The following RNGTT variants were observed in gnomAD, a reference collection of about 807,000 sequenced individuals.
RNGTT encodes mRNA-capping enzyme.
A neutral mutation model predicts 79.3 loss-of-function variants in RNGTT; 33 were observed. That is an observed-to-expected ratio of 0.42 (90% confidence interval 0.32 to 0.56). The LOEUF (loss-of-function observed/expected upper bound fraction) is 0.56. Among genes scored for constraint, RNGTT ranks in the 20% least tolerant of loss-of-function variants. RNGTT has a pLI of 0.17. For missense variants in RNGTT, 497 were observed against 739.1 expected (o/e 0.67, Z 3.80); for synonymous variants, 222 against 235.9 (o/e 0.94, Z 0.54).
chr6:88,687,197 A>C (rs916610155), intron 13 of RNGTT, among the ~76,000 whole-genome samples: 2 of 152,200 alleles, frequency 1.3e-5, no homozygotes, highest in Non-Finnish European at 2.9e-5. Flanking sequence ...ATTCAAACTC[A>C]CTTGTAACTA....
chr6:88,699,213 C>G (rs887457914), intron 13 of RNGTT, among the ~76,000 whole-genome samples: 1 of 152,166 alleles, frequency 6.6e-6, no homozygotes. Context: ...ATATAATACT[C>G]TCTTTTCCTC....
intron 13 of RNGTT, among the ~76,000 whole-genome samples, chr6:88,757,888 C>T (rs986523726): frequency 6.6e-6 from 1 of 152,070 alleles, no homozygotes; most frequent in Admixed American, 6.5e-5. Flanking sequence ...CCTCAGATTC[C>T]AAAAAGCAAC....
intron 6 of RNGTT, among the ~76,000 whole-genome samples, chr6:88,892,693 A>G (rs1582591420): frequency 6.6e-6 from 1 of 152,246 alleles, no homozygotes; most frequent in African/African-American, 2.4e-5. Context: ...TTTAAGGTCC[A>G]TAAAGGGACT....
chr6:88,935,972 T>C (rs1263433343), intron 2 of RNGTT, among the ~76,000 whole-genome samples: 1 of 152,208 alleles, frequency 6.6e-6, no homozygotes, highest in South Asian at 2.1e-4. Flanking sequence ...CAGGTTGAAG[T>C]GCAGTGGCTC....
At chr6:88,887,449 A>G (rs867280111) in intron 8 of RNGTT, among the ~76,000 whole-genome samples, 25 of 152,142 alleles carry the variant, frequency 1.6e-4, no homozygotes, top group African/African-American at 6.0e-4. Context: ...TGCGCAAAAG[A>G]TAGATTTTAC....
At chr6:88,760,952 C>A (rs150195277) in intron 13 of RNGTT, among the ~76,000 whole-genome samples, 27 of 150,268 alleles carry the variant, frequency 1.8e-4, no homozygotes, top group African/African-American at 6.4e-4. Flanking sequence ...TCAAGCAATC[C>A]TCCTGCCTCA....
chr6:88,807,112 G>A (rs1779984223), intron 11 of RNGTT, among the ~76,000 whole-genome samples: 1 of 152,182 alleles, frequency 6.6e-6, no homozygotes, highest in South Asian at 2.1e-4. Context: ...GAGAGGGAGA[G>A]CATTAGGAAG....
At chr6:88,678,500 GATATA>G (rs1295218703) in intron 13 of RNGTT, 81 bp from the exon 14 acceptor site, 8 of 806,128 alleles carry the variant, frequency 9.9e-6, no homozygotes, top group Non-Finnish European at 1.2e-5. Context: ...TTGAATAATA[GATATA>G]ATATAGATAT....
At chr6:88,703,528 G>A (rs1259327355) in intron 13 of RNGTT, among the ~76,000 whole-genome samples, 1 of 152,114 alleles carries the variant, frequency 6.6e-6, no homozygotes, top group African/African-American at 2.4e-5. Context: ...AGACAACGGG[G>A]ACTACTAAAG....
At chr6:88,769,729 CA>C in intron 13 of RNGTT, 44 bp downstream of exon 13, 3 of 1,181,204 alleles carry the variant, frequency 2.5e-6, no homozygotes, top group Non-Finnish European at 3.8e-6. Context: ...AAGCCTTACA[CA>C]AACAGTATTA....
At chr6:88,881,731 T>C (rs1412149559) in intron 8 of RNGTT, among the ~76,000 whole-genome samples, 1 of 152,012 alleles carries the variant, frequency 6.6e-6, no homozygotes, top group Non-Finnish European at 1.5e-5. Context: ...TGTCTTGGAA[T>C]CTCCCTCAGG....
intron 8 of RNGTT, among the ~76,000 whole-genome samples, chr6:88,855,495 T>C (rs1208408932): frequency 1.4e-5 from 2 of 139,208 alleles, no homozygotes; most frequent in Non-Finnish European, 3.2e-5. Context: ...AAATAATCAG[T>C]TCCAAAAAAA....
At chr6:88,629,620 C>T (rs1326351520) in intron 14 of RNGTT, among the ~76,000 whole-genome samples, 14 of 152,036 alleles carry the variant, frequency 9.2e-5, no homozygotes, top group Admixed American at 8.5e-4. Context: ...AACAAAATTA[C>T]GCAGGCAAAG....
intron 14 of RNGTT, among the ~76,000 whole-genome samples, chr6:88,662,232 C>G (rs1323301958): frequency 6.6e-6 from 1 of 152,202 alleles, no homozygotes; most frequent in African/African-American, 2.4e-5. Context: ...GAAGTGAGAT[C>G]AATAGCCAGA....
At chr6:88,762,677 A>T (rs1778310014) in intron 13 of RNGTT, among the ~76,000 whole-genome samples, 1 of 152,218 alleles carries the variant, frequency 6.6e-6, no homozygotes, top group Admixed American at 6.5e-5. Flanking sequence ...TTTTTAAAAA[A>T]TAGTAAATAT....
Position 88,724,644 on chromosome 6 carries a change from G to A in RNGTT, c.1439+45130C>T, listed in dbSNP as rs1316460821. ...ATGACCTAGATCCCTCACACGTGCA[G>A]TTCATAATAGAGTTCCTGCTCTTTT... On this transcript the variant is annotated intron_variant, in intron 13 of 15. Coordinates refer to ENST00000369485, the MANE Select transcript of RNGTT (RefSeq NM_003800.5). 2.6e-5 allele frequency among the ~76,000 whole-genome samples: 4 copies of A among 152,186 alleles called. No individual in the cohort carries two copies. In the East Asian group the frequency reaches 7.7e-4, roughly 29 times the overall value.
intron 14 of RNGTT, among the ~76,000 whole-genome samples, chr6:88,640,135 T>TAATA (rs1582265225): frequency 1.3e-5 from 2 of 152,198 alleles, no homozygotes; most frequent in East Asian, 3.8e-4. Flanking sequence ...CATTTCAGTC[T>TAATA]TATTCACCAC....
chr6:88,626,385 G>A (rs998419907), intron 14 of RNGTT, among the ~76,000 whole-genome samples: 3 of 151,992 alleles, frequency 2.0e-5, no homozygotes, highest in Non-Finnish European at 4.4e-5. Flanking sequence ...GGAGGAAAAG[G>A]TAGACTACAC....
At chr6:88,768,389 T>C (rs1778536995) in intron 13 of RNGTT, among the ~76,000 whole-genome samples, 1 of 152,192 alleles carries the variant, frequency 6.6e-6, no homozygotes, top group South Asian at 2.1e-4. Flanking sequence ...ATTACAGGCA[T>C]GAGCCACTGC....
Sources: allele counts gnomAD v4.1 joint callset (sites outside exome capture counted in the v4.1 genomes callset), GRCh38; gene constraint gnomAD v4.1.1; transcripts MANE v1.5; gene names NCBI Gene and HGNC (gene_info 2026-07-23, HGNC 2026-07-21).